CHRNB4: variants seen among roughly 807,000 people sequenced by gnomAD.
The protein encoded by CHRNB4 is cholinergic receptor nicotinic beta 4 subunit.
In CHRNB4, 23 loss-of-function variants were observed where a neutral mutation model predicts 40.4. The ratio of observed to expected loss-of-function variants is 0.57; its 90% CI spans 0.41 to 0.81. The LOEUF is 0.81. Ranked by LOEUF, CHRNB4 falls within the 30% of genes least tolerant of loss-of-function variation. The pLI is 0.00. For synonymous variants in CHRNB4, 285 were observed against 274.4 expected (o/e 1.04, Z -0.38); for missense variants, 568 against 670.6 (o/e 0.85, Z 1.69).
upstream of CHRNB4, among the ~76,000 whole-genome samples, chr15:78,644,431 A>G (rs537644725): frequency 1.3e-5 from 2 of 151,890 alleles, no homozygotes; most frequent in Non-Finnish European, 2.9e-5. Flanking sequence ...CTGCATGAGA[A>G]CATAGCATTT....
chr15:78,632,217 T>TTCTTTCTTTCTTTCTCTTTC (rs2053840340), intron 2 of CHRNB4, among the ~76,000 whole-genome samples: 1 of 86,016 alleles, frequency 1.2e-5, no homozygotes, highest in African/African-American at 7.9e-5. Context: ...TTCTTTCTCT[T>TTCTTTCTTTCTTTCTCTTTC]TCTCTCTCTC....
intron 5 of CHRNB4, among the ~76,000 whole-genome samples, 160 bp downstream of exon 5, chr15:78,628,807 A>G (rs1009347557): frequency 1.9e-4 from 29 of 152,192 alleles, no homozygotes; most frequent in African/African-American, 7.0e-4. Flanking sequence ...GGATGCATGA[A>G]GCTATAATAT....
At chr15:78,651,086 C>A (rs2054168026) in intron 6 of CHRNB4, among the ~76,000 whole-genome samples, 1 of 152,068 alleles carries the variant, frequency 6.6e-6, no homozygotes, top group Non-Finnish European at 1.5e-5. Flanking sequence ...CCAGTTTGAA[C>A]TGGACAGGAG....
At chr15:78,640,184 T>C (rs1046845542) in intron 1 of CHRNB4, among the ~76,000 whole-genome samples, 21 of 152,204 alleles carry the variant, frequency 1.4e-4, no homozygotes, top group African/African-American at 4.8e-4. Context: ...CTGCCTCCCC[T>C]ATGGTGGGTC....
intron 1 of CHRNB4, chr15:78,660,414 G>A (rs12912524): frequency 0.56 from 84,640 of 152,092 alleles, 27,508 homozygotes; most frequent in Non-Finnish European, 0.76. Context: ...CCTGGGCTAA[G>A]CCCCGATTCT....
chr15:78,624,835 T>G lies in CHRNB4; in HGVS notation c.*298A>C. ...GGCCGGCACCATGCCTGAAGCATAG[T>G]AGGTGCTGCTACGAAGTCATCTTTA... On this transcript the variant is annotated 3_prime_UTR_variant, in exon 6 of 6. Transcript: ENST00000261751. The G allele has an allele frequency of 1.2e-6, 1 of 817,884 alleles. No homozygotes were observed. The highest frequency in any genetic ancestry group is 1.8e-6 in the Non-Finnish European group (1 of 546,468). 50.7% of individuals were successfully genotyped at this position (817,884 alleles called of 1,614,324 possible).
Position 78,639,075 on chromosome 15 carries a change from G to C in CHRNB4, c.55+2004C>G, listed in dbSNP as rs566671091. Among the ~76,000 whole-genome samples the C allele has an allele frequency of 1.1e-4, 16 of 152,376 alleles. No homozygotes were observed. The South Asian group carries it at 1.5e-3, about 14-fold the overall frequency. On this transcript the variant is annotated intron_variant, in intron 1 of 5. Transcript: ENST00000261751. ...ATAGCTGGAATTCTAAACTGTGTGA[G>C]TGTGTGTCCAGTTTGGAAAGGTATA...
intron 5 of CHRNB4, chr15:78,628,231 G>A (rs2053703503): frequency 6.6e-6 from 1 of 152,146 alleles, no homozygotes; most frequent in Non-Finnish European, 1.5e-5. Context: ...CATTACCCTG[G>A]TAATCATAGT....
Position 78,635,592 on chromosome 15 carries a change from G to A in CHRNB4, c.56-5C>T. 2 of 1,614,052 alleles carry A rather than the reference G, an allele frequency of 1.2e-6. No homozygotes were observed. Among genetic ancestry groups the A allele is most frequent in the Non-Finnish European group, 1.7e-6 (2 of 1,179,938 alleles). On this transcript the variant is annotated splice_region_variant and splice_polypyrimidine_tract_variant and intron_variant, in intron 1 of 5. Coordinates refer to ENST00000261751, the MANE Select transcript of CHRNB4 (RefSeq NM_000750.5). Reference sequence around the variant, plus strand: ...CATTGGCCACGCGGCAGTTCCCTGAGAAAACACACAGTCAGACCTGCTGGG... The same window carrying A: ...CATTGGCCACGCGGCAGTTCCCTGAAAAAACACACAGTCAGACCTGCTGGG...
chr15:78,651,557 TCA>T (rs2067245992), intron 6 of CHRNB4, among the ~76,000 whole-genome samples: 1 of 152,232 alleles, frequency 6.6e-6, no homozygotes, highest in African/African-American at 2.4e-5. Flanking sequence ...TTTCAGCTTC[TCA>T]GATTGACCGA....
chr15:78,633,961 G>A (rs2053891849), intron 2 of CHRNB4, among the ~76,000 whole-genome samples: 1 of 152,010 alleles, frequency 6.6e-6, no homozygotes. Flanking sequence ...GGGAGTGCCT[G>A]GCTCACCAGA....
rs762191700 is a variant in CHRNB4 at position 78,629,790 on chromosome 15, C to T, written c.515G>A (p.Arg172His). 13 of 1,613,974 alleles carry T rather than the reference C, an allele frequency of 8.1e-6. No individual in the cohort carries two copies. Among genetic ancestry groups the T allele is most frequent in the Admixed American group, 3.3e-5 (2 of 59,990 alleles). ...CTCCGTGTGGTCATAGGTCCAGGAG[C>T]GGAACTTGAGGGTGCAGTTCTGCTG... is the stretch of plus-strand genomic sequence containing the variant. Reference protein sequence around the residue: ...FDQQNCTLKFRSWTYDHTEID... With the variant: ...FDQQNCTLKFHSWTYDHTEID... Residue 172 changes from arginine to histidine, a missense_variant, in exon 5 of 6, where the codon CGC (arginine) becomes CAC (histidine). Coordinates refer to ENST00000261751, the MANE Select transcript of CHRNB4 (RefSeq NM_000750.5). This position sits in a 1 kb window ranked among gnomAD's most constrained non-coding sequence, Gnocchi z 6.8.
intron 2 of CHRNB4, 83 bp from the exon 3 acceptor site, chr15:78,631,415 G>A: frequency 7.0e-7 from 1 of 1,419,324 alleles, no homozygotes; most frequent in Non-Finnish European, 9.8e-7. Flanking sequence ...AAAAGGCTGT[G>A]AGCTCCAGGC....
At chr15:78,634,887 G>T in intron 2 of CHRNB4, 1 of 419,390 alleles carries the variant, frequency 2.4e-6, no homozygotes, top group Non-Finnish European at 4.8e-6. Context: ...TGGACAACCT[G>T]ACAATGGTAC....
At chr15:78,627,165 ATGC>A (rs2053677174) in intron 5 of CHRNB4, 1 of 152,250 alleles carries the variant, frequency 6.6e-6, no homozygotes, top group African/African-American at 2.4e-5. Context: ...GAATTAGGTG[ATGC>A]TGACCTACAG....
In CHRNB4 at chr15:78,649,349, A is replaced by G. The variant is rs1436995342; in HGVS notation, c.46+30T>C. 3 of 447,080 alleles carry G rather than the reference A, an allele frequency of 6.7e-6. No individual in the cohort carries two copies. The Admixed American group carries it at 7.5e-5, about 11-fold the overall frequency. 27.7% of individuals were successfully genotyped at this position (447,080 alleles called of 1,614,324 possible). On this transcript the variant is annotated intron_variant and NMD_transcript_variant, in intron 7 of 11. Transcript: ENST00000559849. ...ACCACTTAGATGTCCATCAACAAGA[A>G]CACGGAGGAATGAACTGTGGGATAC...
chr15:78,635,914 C>CT (rs898434367), intron 1 of CHRNB4, among the ~76,000 whole-genome samples: 9 of 151,816 alleles, frequency 5.9e-5, no homozygotes, highest in Non-Finnish European at 8.8e-5. Context: ...TTAGTCCTGT[C>CT]TTTTTTTGTA....
At chr15:78,648,391 C>CAAAA (rs745703762) in intron 7 of CHRNB4, among the ~76,000 whole-genome samples, 1 of 73,508 alleles carries the variant, frequency 1.4e-5, no homozygotes, top group African/African-American at 4.2e-5. Flanking sequence ...AGACTTGCCT[C>CAAAA]AAAAAAAAAA....
upstream of CHRNB4, among the ~76,000 whole-genome samples, chr15:78,645,041 G>A (rs1266311436): frequency 6.6e-6 from 1 of 152,032 alleles, no homozygotes. Context: ...CCCCGAGACA[G>A]TAAGGGACTC....
Sources: gnomAD v4.1 joint callset for allele counts (sites outside exome capture counted in the v4.1 genomes callset) on GRCh38, gnomAD v4.1.1 for gene constraint, Gnocchi (gnomAD v3.1) non-coding constraint, MANE v1.5 for transcripts, NCBI Gene and HGNC (gene_info 2026-07-23, HGNC 2026-07-21) for gene names.